The following RTEL1 variants were observed in gnomAD, a reference collection of about 807,000 sequenced individuals.
RTEL1 encodes the protein regulator of telomere length.
A neutral mutation model predicts 162.2 loss-of-function variants in RTEL1; 86 were observed. The ratio of observed to expected loss-of-function variants is 0.53; its 90% CI spans 0.45 to 0.63. The LOEUF (loss-of-function observed/expected upper bound fraction) is 0.63, where lower values mean the gene tolerates loss of function less well. RTEL1 is among the 30% of genes least tolerant of loss of function. The probability of loss-of-function intolerance (pLI) is 0.00; values close to 1 mark genes in which losing one functional copy is unlikely to be tolerated. For synonymous variants in RTEL1, 958 were observed against 717.9 expected (o/e 1.33, Z -5.35); for missense variants, 1,941 against 1,750.2 (o/e 1.11, Z -1.95).
At chr20:63,680,508 G>C (rs1827879737) in intron 13 of RTEL1, among the ~76,000 whole-genome samples, 156 bp from the exon 14 acceptor site, 1 of 152,240 alleles carries the variant, frequency 6.6e-6, no homozygotes, top group Non-Finnish European at 1.5e-5. Context: ...CGAACTGCCC[G>C]CCCTGAATGG....
In RTEL1 at chr20:63,661,252, G is replaced by A. The variant is rs757331576; in HGVS notation, c.103-46G>A. 7.6e-5 allele frequency: 119 copies of A among 1,573,102 alleles called. No individual in the cohort carries two copies. Among genetic ancestry groups the A allele is most frequent in the Non-Finnish European group, 1.0e-4 (116 of 1,149,534 alleles). On this transcript the variant is annotated intron_variant, in intron 2 of 34. Coordinates refer to ENST00000360203, the MANE Select transcript of RTEL1 (RefSeq NM_001283009.2). This position sits in a 1 kb window ranked among gnomAD's most constrained non-coding sequence, Gnocchi z 5.1. Reference sequence around the variant, plus strand: ...GTCTCAGGGCAGCTTGTGTGGCCTCGCCTCTTCCTGGCTTCCCCGTAACCC... The same window carrying A: ...GTCTCAGGGCAGCTTGTGTGGCCTCACCTCTTCCTGGCTTCCCCGTAACCC...
intron 7 of RTEL1, among the ~76,000 whole-genome samples, 199 bp downstream of exon 7, chr20:63,666,278 A>AGCC (rs2090125517): frequency 6.6e-6 from 1 of 152,260 alleles, no homozygotes; most frequent in Non-Finnish European, 1.5e-5. Context: ...CCTGGCCCTC[A>AGCC]GCCATCCCCG....
At position 63,690,165 on chromosome 20, in the gene RTEL1, T is replaced by C; in HGVS notation, c.2220T>C (p.His740=). Residue 740 remains histidine (H), a synonymous_variant, in exon 25 of 35, where the codon CAT becomes CAC. Transcript: ENST00000360203. ...TCAGGGTGTATGACAACTTTGGCCA[T>C]GTCATCCGAGACGTGGCCCAGTTCT... ...PHVRVYDNFG[H]VIRDVAQFFR... is the part of the protein sequence containing the mutation. 14 of 1,612,584 alleles carry C rather than the reference T, an allele frequency of 8.7e-6. No individual in the cohort carries two copies. Among genetic ancestry groups the C allele is most frequent in the Non-Finnish European group, 1.2e-5 (14 of 1,179,840 alleles).
At position 63,661,463 on chromosome 20, in the gene RTEL1, G is replaced by A; in HGVS notation, c.268G>A (p.Gly90Ser). The stretch of plus-strand genomic sequence containing the variant: ...CCCGGATCGGGCCTTGTCATCCTGG[G>A]GCAACGCTGCTGCTGCTGCTGGAGA... ...LFPDRALSSW[G>S]NAAAAAGDPI... is the part of the protein sequence containing the mutation. The change falls in exon 3 of 35, where the codon GGC (glycine) becomes AGC (serine). Residue 90 changes from glycine (G) to serine (S), a missense_variant. Physicochemically the swap from Gly to Ser is moderately conservative, Grantham distance 56. Transcript: ENST00000360203. This position sits in a 1 kb window ranked among gnomAD's most constrained non-coding sequence, Gnocchi z 5.1. 6.2e-7 allele frequency: 1 copy of A among 1,613,018 alleles called. No individual in the cohort carries two copies. Among genetic ancestry groups the A allele is most frequent in the East Asian group, 2.2e-5 (1 of 44,878 alleles).
At chr20:63,682,269 T>A (rs1337743650) in intron 14 of RTEL1, 1 of 985,322 alleles carries the variant, frequency 1.0e-6, no homozygotes, top group Non-Finnish European at 1.2e-6. Flanking sequence ...AACCGAATCC[T>A]GGAACGCGGC....
At chr20:63,692,045 GC>G in intron 28 of RTEL1, 1 of 539,658 alleles carries the variant, frequency 1.9e-6, no homozygotes. Flanking sequence ...CTGGAATCAG[GC>G]CCCACCCTTG....
At chr20:63,691,941 C>T in intron 28 of RTEL1, 104 bp downstream of exon 28, 2 of 839,654 alleles carry the variant, frequency 2.4e-6, no homozygotes, top group East Asian at 2.6e-5. Context: ...ACCAGGGAAT[C>T]CACCCCCAGG....
intron 14 of RTEL1, among the ~76,000 whole-genome samples, chr20:63,683,251 C>T (rs1367350960): frequency 6.6e-6 from 1 of 152,234 alleles, no homozygotes; most frequent in Non-Finnish European, 1.5e-5. Context: ...CAGGCAAGAG[C>T]TTCCATGCCT....
rs370202708 is a variant in RTEL1, at chr20:63,690,827, C to G, written c.2436C>G (p.Pro812=). Residue 812 remains proline, a synonymous_variant, in exon 27 of 35, where the codon CCC becomes CCG. Transcript: ENST00000360203. ...RSSGSPAAGD[P]ESSLCVEYEQ... The stretch of plus-strand genomic sequence containing the variant: ...CAGGGTCACCAGCTGCCGGGGACCC[C>G]GAGAGTAGCCTGTGTGTGGAGTATG... The G allele has an allele frequency of 6.2e-7, 1 of 1,605,034 alleles. No homozygotes were observed. Among genetic ancestry groups the G allele is most frequent in the Non-Finnish European group, 8.5e-7 (1 of 1,177,684 alleles).
At position 63,690,082 on chromosome 20, in the gene RTEL1, C is replaced by A. The variant is rs776835831; in HGVS notation, c.2142-5C>A. 1.2e-6 allele frequency: 2 copies of A among 1,610,304 alleles called. No individual in the cohort carries two copies. The highest frequency in any genetic ancestry group is 1.1e-5 in the South Asian group (1 of 91,046). ...CAGGGCAGCAGGGCTATGGCCACCC[C>A]CCAGGTTCGCCTTTGCCGACGCAAG... On this transcript the variant is annotated splice_polypyrimidine_tract_variant and splice_region_variant and intron_variant, in intron 24 of 34. Transcript: ENST00000360203.
At chr20:63,660,141 G>A (rs1027482897) in intron 2 of RTEL1, among the ~76,000 whole-genome samples, 1 of 152,232 alleles carries the variant, frequency 6.6e-6, no homozygotes, top group African/African-American at 2.4e-5. Flanking sequence ...TTGAACAAAT[G>A]TACAATCGGG....
At position 63,661,256 on chromosome 20, in the gene RTEL1, C is replaced by T. The variant is rs1569079080; in HGVS notation, c.103-42C>T. The T allele has an allele frequency of 1.3e-6, 2 of 1,587,974 alleles. No individual in the cohort carries two copies. Among genetic ancestry groups the T allele is most frequent in the Admixed American group, 1.7e-5 (1 of 59,422 alleles). On this transcript the variant is annotated intron_variant, in intron 2 of 34. Transcript: ENST00000360203. This position sits in a 1 kb window ranked among gnomAD's most constrained non-coding sequence, Gnocchi z 5.1. ...CAGGGCAGCTTGTGTGGCCTCGCCT[C>T]TTCCTGGCTTCCCCGTAACCCTTGC...
intron 28 of RTEL1, 88 bp downstream of exon 28, chr20:63,691,925 G>C (rs1026900560): frequency 2.0e-6 from 2 of 1,020,912 alleles, no homozygotes; most frequent in Non-Finnish European, 3.0e-6. Flanking sequence ...GGCTGGTCCC[G>C]ATGGGACCAG....
chr20:63,694,725 G>C lies in RTEL1; in HGVS notation c.3110-16G>C, dbSNP rs1210203121. The C allele has an allele frequency of 1.6e-5, 26 of 1,586,254 alleles. No homozygotes were observed. The highest frequency in any genetic ancestry group is 2.2e-5 in the Non-Finnish European group (26 of 1,165,674). ...CCACCCCAGCGCCACTCTGAGCCAT[G>C]CTACTCCCACACCAGGAGACCCTGG... is the stretch of plus-strand genomic sequence containing the variant. On this transcript the variant is annotated splice_polypyrimidine_tract_variant and intron_variant, in intron 31 of 34. Coordinates refer to ENST00000360203, the MANE Select transcript of RTEL1 (RefSeq NM_001283009.2).
chr20:63,674,864 C>T (rs1209742113), intron 10 of RTEL1, among the ~76,000 whole-genome samples: 2 of 151,908 alleles, frequency 1.3e-5, no homozygotes, highest in South Asian at 2.1e-4. Flanking sequence ...ACGTGGAAAA[C>T]GTGGAAACCC....
In RTEL1 at chr20:63,694,864, A is replaced by G; in HGVS notation, c.3233A>G (p.Gln1078Arg). 1 of 1,612,580 alleles carries G rather than the reference A, an allele frequency of 6.2e-7. No homozygotes were observed. Among genetic ancestry groups the G allele is most frequent in the Non-Finnish European group, 8.5e-7 (1 of 1,179,838 alleles). Reference sequence around the variant, plus strand: ...GCCCTGGGGTCCGCGGGCTGTAGCCAACTCTTGGCAGCGCTGACAGCCTAT... The same window carrying G: ...GCCCTGGGGTCCGCGGGCTGTAGCCGACTCTTGGCAGCGCTGACAGCCTAT... ...RRALGSAGCS[Q>R]LLAALTAYKQ... The change falls in exon 32 of 35, where the codon CAA (glutamine) becomes CGA (arginine). Residue 1078 changes from glutamine to arginine, a missense_variant. By Grantham distance (43) the Gln-to-Arg change is conservative. Transcript: ENST00000360203.
Position 63,693,198 on chromosome 20 carries a change from C to G in RTEL1, c.2907C>G (p.Ile969Met), listed in dbSNP as rs1413866305. 2 of 1,612,166 alleles carry G rather than the reference C, an allele frequency of 1.2e-6. No homozygotes were observed. Among genetic ancestry groups the G allele is most frequent in the Non-Finnish European group, 1.7e-6 (2 of 1,179,528 alleles). The change falls in exon 30 of 35, where the codon ATC becomes ATG. Residue 969 changes from isoleucine to methionine, a missense_variant. Physicochemically the swap from Ile to Met is conservative, Grantham distance 10. Coordinates refer to ENST00000360203, the MANE Select transcript of RTEL1 (RefSeq NM_001283009.2). ...HHKQQFEEVCIQLTGRGCGYR... is the reference protein window; with the variant it reads ...HHKQQFEEVCMQLTGRGCGYR... Reference sequence around the variant, plus strand: ...AGCAGCAGTTTGAGGAGGTCTGTATCCAGCTGACAGGACGAGGCTGTGGCT... The same window carrying G: ...AGCAGCAGTTTGAGGAGGTCTGTATGCAGCTGACAGGACGAGGCTGTGGCT...
At chr20:63,663,750 C>T (rs933563116) in intron 6 of RTEL1, among the ~76,000 whole-genome samples, 2 of 152,148 alleles carry the variant, frequency 1.3e-5, no homozygotes, top group African/African-American at 4.8e-5. Flanking sequence ...GAGGTGGCCC[C>T]GGAGCACTCA....
In RTEL1 at chr20:63,689,082, G is replaced by T; in HGVS notation, c.1828G>T (p.Ala610Ser). 1 of 1,610,924 alleles carries T rather than the reference G, an allele frequency of 6.2e-7. No homozygotes were observed. Among genetic ancestry groups the T allele is most frequent in the Non-Finnish European group, 8.5e-7 (1 of 1,179,882 alleles). The change falls in exon 22 of 35, where the codon GCC (alanine) becomes TCC (serine). Residue 610 changes from alanine to serine, a missense_variant. Transcript: ENST00000360203. ...ETISAYYARV[A>S]APGSTGATFL... is the part of the protein sequence containing the mutation. ...CATCAGTGCTTACTATGCAAGGGTT[G>T]CCGCCCCTGGGTCCACCGGCGCCAC...
Sources: gnomAD v4.1 joint callset for allele counts (sites outside exome capture counted in the v4.1 genomes callset) on GRCh38, gnomAD v4.1.1 for gene constraint, Gnocchi (gnomAD v3.1) non-coding constraint, MANE v1.5 for transcripts, NCBI Gene and HGNC (gene_info 2026-07-23, HGNC 2026-07-21) for gene names.